Variants in DNM2 observed in about 807,000 individuals in gnomAD.
DNM2 encodes dynamin 2, also known as dynamin-2.
DNM2 carries 15 observed loss-of-function variants against 99.0 expected under a neutral mutation model. The ratio of observed to expected loss-of-function variants is 0.15; its 90% CI spans 0.10 to 0.23. DNM2 has a LOEUF of 0.23. Among genes scored for constraint, DNM2 ranks in the 10% least tolerant of loss-of-function variants. DNM2 has a pLI of 1.00. For missense variants in DNM2, 742 were observed against 1,189.4 expected (o/e 0.62, Z 5.53); for synonymous variants, 525 against 481.2 (o/e 1.09, Z -1.19).
intron 17 of DNM2, 62 bp downstream of exon 17, chr19:10,823,961 G>A: frequency 1.9e-6 from 3 of 1,539,276 alleles, no homozygotes; most frequent in East Asian, 2.3e-5. Context: ...AGCAGGGCTG[G>A]CTTTCCCCAG....
intron 2 of DNM2, among the ~76,000 whole-genome samples, chr19:10,770,868 A>T (rs1455127785): frequency 6.6e-6 from 1 of 152,196 alleles, no homozygotes; most frequent in African/African-American, 2.4e-5. Context: ...TATGGGAGCT[A>T]CAAGATGAGA....
intron 11 of DNM2, among the ~76,000 whole-genome samples, chr19:10,801,178 C>T (rs1275621651): frequency 2.0e-5 from 3 of 152,002 alleles, no homozygotes; most frequent in Non-Finnish European, 2.9e-5. Flanking sequence ...GTGTGGCGTG[C>T]GCCTGTGGTC....
chr19:10,742,174 G>A (rs1292495239), intron 1 of DNM2, among the ~76,000 whole-genome samples: 2 of 152,040 alleles, frequency 1.3e-5, no homozygotes, highest in African/African-American at 4.8e-5. Flanking sequence ...CCAGAGACTT[G>A]GGGGTCCGCA....
intron 6 of DNM2, among the ~76,000 whole-genome samples, chr19:10,783,360 A>C (rs2145961822): frequency 6.6e-6 from 1 of 152,328 alleles, no homozygotes; most frequent in South Asian, 2.1e-4. Context: ...CCAGGTACTC[A>C]GGAGGCTGAG....
intron 11 of DNM2, 136 bp downstream of exon 11, chr19:10,798,708 C>T: frequency 1.3e-6 from 1 of 795,332 alleles, no homozygotes; most frequent in Non-Finnish European, 2.1e-6. Context: ...GTTCCGTCAC[C>T]TCCTAAAATC....
At chr19:10,738,352 C>T (rs1173289726) in intron 1 of DNM2, among the ~76,000 whole-genome samples, 1 of 152,224 alleles carries the variant, frequency 6.6e-6, no homozygotes, top group Admixed American at 6.5e-5. Flanking sequence ...CATGGTGGCT[C>T]ACGCCCATAG....
intron 5 of DNM2, among the ~76,000 whole-genome samples, chr19:10,777,836 C>G (rs950703343): frequency 7.2e-5 from 11 of 152,158 alleles, no homozygotes; most frequent in African/African-American, 2.4e-4. Flanking sequence ...TTCAGGTGAT[C>G]CACTTGCCTT....
intron 13 of DNM2, among the ~76,000 whole-genome samples, chr19:10,807,326 C>T (rs1358617032): frequency 6.6e-6 from 1 of 151,970 alleles, no homozygotes; most frequent in African/African-American, 2.4e-5. Flanking sequence ...CTGCAACCTC[C>T]ACCTCCCGGG....
At chr19:10,799,194 T>C (rs2072043134) in intron 11 of DNM2, among the ~76,000 whole-genome samples, 1 of 152,100 alleles carries the variant, frequency 6.6e-6, no homozygotes, top group Non-Finnish European at 1.5e-5. Context: ...GCCATCGCCC[T>C]CCAGCCTGGG....
chr19:10,801,127 G>A (rs1280062194), intron 11 of DNM2, among the ~76,000 whole-genome samples: 1 of 152,064 alleles, frequency 6.6e-6, no homozygotes, highest in East Asian at 1.9e-4. Flanking sequence ...GCAACACGGT[G>A]AAAACCCGTC....
intron 1 of DNM2, among the ~76,000 whole-genome samples, chr19:10,732,571 G>T (rs192935532): frequency 6.6e-6 from 1 of 151,870 alleles, no homozygotes; most frequent in African/African-American, 2.4e-5. Context: ...CTGCACTCCC[G>T]CCTGGGTGAT....
Position 10,795,852 on chromosome 19 carries a change from G to C in DNM2, c.1196+413G>C, listed in dbSNP as rs2071912604. On this transcript the variant is annotated intron_variant, in intron 9 of 20. Transcript: ENST00000389253. The surrounding 1 kb of genome is among the most constrained non-coding windows in gnomAD (Gnocchi z 4.2). ...TGGGTCCCCTCCTTATTCTAACAAA[G>C]GTAGTTGCTCCAGGTGTCTGCCCTT... 3 of 716,656 alleles carry C rather than the reference G, an allele frequency of 4.2e-6. No individual in the cohort carries two copies. The highest frequency in any genetic ancestry group is 3.5e-5 in the African/African-American group (2 of 56,836). The allele number at this position is 716,656 out of a possible 1,614,324, so 44.4% of individuals were successfully genotyped here.
intron 18 of DNM2, among the ~76,000 whole-genome samples, chr19:10,825,467 G>A (rs1017140270): frequency 2.0e-5 from 3 of 152,024 alleles, no homozygotes; most frequent in African/African-American, 7.2e-5. Flanking sequence ...TAAGGAGTTC[G>A]AGACTAGACT....
intron 1 of DNM2, among the ~76,000 whole-genome samples, chr19:10,735,343 C>T (rs1209627120): frequency 6.6e-6 from 1 of 152,010 alleles, no homozygotes; most frequent in Non-Finnish European, 1.5e-5. Flanking sequence ...CAGCCATCTT[C>T]TGTGAATCTT....
At chr19:10,771,539 CT>C (rs34487308) in intron 2 of DNM2, among the ~76,000 whole-genome samples, 85,559 of 151,990 alleles carry the variant, frequency 0.56, 24,285 homozygotes, top group Admixed American at 0.61. Flanking sequence ...TTCCCTCTAC[CT>C]TGTGGGCTCC....
chr19:10,824,237 C>A, intron 17 of DNM2: 1 of 353,460 alleles, frequency 2.8e-6, no homozygotes, highest in Non-Finnish European at 5.5e-6. Flanking sequence ...GTGGGTGGTT[C>A]GCCCCTGTAA....
intron 1 of DNM2, among the ~76,000 whole-genome samples, chr19:10,741,090 T>C (rs1320075413): frequency 2.6e-5 from 4 of 152,214 alleles, no homozygotes; most frequent in African/African-American, 7.2e-5. Context: ...TCAGGTCTTA[T>C]TGGTTTCGTA....
Position 10,811,909 on chromosome 19 carries a change from C to T in DNM2, c.1558-355C>T, listed in dbSNP as rs1267575059. On this transcript the variant is annotated intron_variant, in intron 14 of 20. Coordinates refer to ENST00000389253, the MANE Select transcript of DNM2 (RefSeq NM_001005361.3). This position sits in a 1 kb window ranked among gnomAD's most constrained non-coding sequence, Gnocchi z 5.4. ...GGATGCTACCCTTGGAACCTTATCTCACGCAAACAAGTGCAGTTCCTCAGA... is the reference window on the plus strand; with the variant it reads ...GGATGCTACCCTTGGAACCTTATCTTACGCAAACAAGTGCAGTTCCTCAGA... 1 of 460,268 alleles carries T rather than the reference C, an allele frequency of 2.2e-6. No homozygotes were observed. Among genetic ancestry groups the T allele is most frequent in the Admixed American group, 2.3e-5 (1 of 42,630 alleles). 28.5% of individuals were successfully genotyped at this position (460,268 alleles called of 1,614,324 possible).
chr19:10,728,721 G>A (rs1308157562), intron 1 of DNM2, among the ~76,000 whole-genome samples: 1 of 152,134 alleles, frequency 6.6e-6, no homozygotes, highest in African/African-American at 2.4e-5. Context: ...GCCAAGGCGG[G>A]CAGATCACTT....
Sources: allele counts gnomAD v4.1 joint callset (sites outside exome capture counted in the v4.1 genomes callset), GRCh38; gene constraint gnomAD v4.1.1; non-coding constraint Gnocchi (gnomAD v3.1); transcripts MANE v1.5; gene names NCBI Gene and HGNC (gene_info 2026-07-23, HGNC 2026-07-21).